The following ATF7 variants were observed in gnomAD, a reference collection of about 807,000 sequenced individuals.
ATF7 encodes cyclic AMP-dependent transcription factor ATF-7.
ATF7 carries 10 observed loss-of-function variants against 50.4 expected under a neutral mutation model. The ratio of observed to expected loss-of-function variants is 0.20; its 90% confidence interval spans 0.12 to 0.34. ATF7 has a LOEUF of 0.34. Among genes scored for constraint, ATF7 ranks in the 10% least tolerant of loss-of-function variants. ATF7 has a pLI of 1.00. For missense variants in ATF7, 465 were observed against 613.9 expected, an observed-to-expected ratio of 0.76 and a Z score of 2.56; for synonymous variants, 201 against 226.4, an observed-to-expected ratio of 0.89 and a Z score of 1.01.
At chr12:53,559,903 CTCT>C (rs1940998767) in intron 2 of ATF7, among the ~76,000 whole-genome samples, 1 of 152,028 alleles carries the variant, frequency 6.6e-6, no homozygotes, top group Admixed American at 6.6e-5. Context: ...TAGTTCCCTC[CTCT>C]TTACTTTTTT....
rs1361315830 is a variant in ATF7 at position 53,514,578 on chromosome 12, G to A, written c.*2559C>T. 1 of 152,142 alleles carries A rather than the reference G, an allele frequency of 6.6e-6. No homozygotes were observed. Among genetic ancestry groups the A allele is most frequent in the Admixed American group, 6.5e-5 (1 of 15,278 alleles). 9.4% of individuals were successfully genotyped at this position (152,142 alleles called of 1,614,324 possible). A position where few individuals can be genotyped will look rare whatever the true frequency, so the allele number is the denominator to read the frequency against. On this transcript the variant is annotated 3_prime_UTR_variant, in exon 12 of 12. Coordinates refer to ENST00000420353, the MANE Select transcript of ATF7 (RefSeq NM_006856.3). ...AGAACCAACTCAAGAACTATCTAGG[G>A]GGTTCTGACCTGCTGCTTCCTTATT... is the stretch of plus-strand genomic sequence containing the variant.
chr12:53,574,837 T>A, intron 2 of ATF7: 1 of 312,068 alleles, frequency 3.2e-6, no homozygotes, highest in East Asian at 1.0e-4. Flanking sequence ...CCTAAAGAAA[T>A]AGACATATAT....
In ATF7 at chr12:53,524,600, C is replaced by T; in HGVS notation, c.1089G>A (p.Lys363=). 1.2e-6 allele frequency: 2 copies of T among 1,614,004 alleles called. No homozygotes were observed. Among genetic ancestry groups the T allele is most frequent in the Non-Finnish European group, 8.5e-7 (1 of 1,179,900 alleles). ...TGTTCTGAGAAGTGAGTTCTTCGGC[C>T]TTCTTCTCTAGGGAGGACACCCACA... The part of the protein sequence containing the change: ...RKLWVSSLEK[K]AEELTSQNIQ... Residue 363 remains lysine, a synonymous_variant, in exon 10 of 12, where the codon AAG becomes AAA. Coordinates refer to ENST00000420353, the MANE Select transcript of ATF7 (RefSeq NM_006856.3). This position sits in a 1 kb window ranked among gnomAD's most constrained non-coding sequence, Gnocchi z 4.6.
intron 2 of ATF7, among the ~76,000 whole-genome samples, chr12:53,560,108 G>A (rs1176010987): frequency 2.0e-5 from 3 of 151,834 alleles, no homozygotes; most frequent in Non-Finnish European, 4.4e-5. Context: ...GTTTTTAGTA[G>A]AGACAGGGTT....
At chr12:53,609,343 G>C (rs537227643) in intron 1 of ATF7, among the ~76,000 whole-genome samples, 1 of 151,634 alleles carries the variant, frequency 6.6e-6, no homozygotes, top group African/African-American at 2.4e-5. Context: ...TAGTAGAGAC[G>C]GGGTTTCTCC....
chr12:53,548,301 C>G (rs1163055841), intron 3 of ATF7, among the ~76,000 whole-genome samples: 1 of 151,994 alleles, frequency 6.6e-6, no homozygotes, highest in Non-Finnish European at 1.5e-5. Context: ...GCCACTGTGT[C>G]GCTAGGCCCC....
chr12:53,520,355 T>G (rs1938040592), intron 11 of ATF7, among the ~76,000 whole-genome samples: 1 of 152,092 alleles, frequency 6.6e-6, no homozygotes, highest in Non-Finnish European at 1.5e-5. Context: ...GGCGGGCAGA[T>G]CCCTTAAGTC....
At chr12:53,551,736 A>G (rs1476277762) in intron 3 of ATF7, among the ~76,000 whole-genome samples, 3 of 152,234 alleles carry the variant, frequency 2.0e-5, no homozygotes, top group African/African-American at 7.2e-5. Flanking sequence ...ACTGTGTCTT[A>G]TATGAGTTAT....
At chr12:53,536,122 C>T (rs542479895) in intron 5 of ATF7, among the ~76,000 whole-genome samples, 1 of 152,296 alleles carries the variant, frequency 6.6e-6, no homozygotes, top group East Asian at 1.9e-4. Context: ...CCACACCATT[C>T]CTTCACAGGA....
At chr12:53,590,718 G>A (rs749912469) in intron 2 of ATF7, among the ~76,000 whole-genome samples, 5 of 152,166 alleles carry the variant, frequency 3.3e-5, no homozygotes, top group African/African-American at 1.2e-4. Context: ...AGTCTCCCAC[G>A]TCTAATTTCC....
chr12:53,609,409 C>T (rs891370004), intron 1 of ATF7, among the ~76,000 whole-genome samples: 1 of 151,792 alleles, frequency 6.6e-6, no homozygotes, highest in Non-Finnish European at 1.5e-5. Flanking sequence ...CCGCCTCAGC[C>T]TCCCAAAGTG....
At position 53,626,269 on chromosome 12, in the gene ATF7, A is replaced by C. The variant is rs1944602154; in HGVS notation, c.-22+10T>G. On this transcript the variant is annotated intron_variant, in intron 1 of 11. Coordinates refer to ENST00000420353, the MANE Select transcript of ATF7 (RefSeq NM_006856.3). ...CAGATCATGGACTAGCTAATGTTAAAAGGACTTACCGGCTGGTAGCTCCGT... is the reference window on the plus strand; with the variant it reads ...CAGATCATGGACTAGCTAATGTTAACAGGACTTACCGGCTGGTAGCTCCGT... The C allele has an allele frequency of 6.5e-6, 1 of 152,854 alleles. No individual in the cohort carries two copies. Among genetic ancestry groups the C allele is most frequent in the African/African-American group, 2.4e-5 (1 of 41,440 alleles). 9.5% of individuals were successfully genotyped at this position (152,854 alleles called of 1,614,324 possible).
At position 53,588,791 on chromosome 12, in the gene ATF7, C is replaced by G. The variant is rs376700993; in HGVS notation, c.48+12162G>C. On this transcript the variant is annotated intron_variant, in intron 2 of 11. Transcript: ENST00000420353. Reference sequence around the variant, plus strand: ...ATTAATTTTCTTTCCTCTTTAGAATCATGTCCTTGCTGCAAAATGATGGTG... The same window carrying G: ...ATTAATTTTCTTTCCTCTTTAGAATGATGTCCTTGCTGCAAAATGATGGTG... Among the ~76,000 whole-genome samples, 19 of 152,222 alleles carry G rather than the reference C, an allele frequency of 1.2e-4. 1 individual carries two copies. The highest frequency in any genetic ancestry group is 3.9e-4 in the African/African-American group (16 of 41,534).
chr12:53,529,279 A>T (rs564897432), intron 9 of ATF7, among the ~76,000 whole-genome samples: 112 of 152,242 alleles, frequency 7.4e-4, no homozygotes, highest in African/African-American at 2.5e-3. Context: ...GGCTCACCGC[A>T]ACCTCCGCCT....
chr12:53,519,963 G>A (rs1332035159), intron 11 of ATF7, among the ~76,000 whole-genome samples: 2 of 152,032 alleles, frequency 1.3e-5, no homozygotes, highest in Admixed American at 1.3e-4. Context: ...AGCCAGGATG[G>A]TCTCGATCTC....
chr12:53,548,424 TG>T (rs1377321744), intron 3 of ATF7, among the ~76,000 whole-genome samples: 1 of 152,098 alleles, frequency 6.6e-6, no homozygotes, highest in Non-Finnish European at 1.5e-5. Flanking sequence ...CTCAATCTCT[TG>T]GGTTCAAGTG....
At chr12:53,520,756 C>T (rs760142106) in intron 11 of ATF7, among the ~76,000 whole-genome samples, 7 of 152,202 alleles carry the variant, frequency 4.6e-5, no homozygotes, top group Non-Finnish European at 7.4e-5. Context: ...TTAATGACAA[C>T]TTCATTCTTG....
At chr12:53,540,517 A>G (rs1939488411) in intron 4 of ATF7, among the ~76,000 whole-genome samples, 1 of 151,866 alleles carries the variant, frequency 6.6e-6, no homozygotes, top group South Asian at 2.1e-4. Context: ...TGAGCTCAGG[A>G]GTTTGAGACC....
At chr12:53,554,893 AAGAC>A (rs1940622853) in intron 2 of ATF7, among the ~76,000 whole-genome samples, 1 of 151,072 alleles carries the variant, frequency 6.6e-6, no homozygotes, top group Non-Finnish European at 1.5e-5. Flanking sequence ...AAAAAAAAAA[AAGAC>A]AGCCTCAGTG....
Sources: gnomAD v4.1 joint callset for allele counts (sites outside exome capture counted in the v4.1 genomes callset) on GRCh38, gnomAD v4.1.1 for gene constraint, Gnocchi (gnomAD v3.1) non-coding constraint, MANE v1.5 for transcripts, NCBI Gene and HGNC (gene_info 2026-07-23, HGNC 2026-07-21) for gene names.